The following TAFA2 variants were observed in gnomAD, a reference collection of about 807,000 sequenced individuals.
The protein encoded by TAFA2 is chemokine-like protein TAFA-2.
Under a neutral mutation model 18.8 loss-of-function variants are expected in TAFA2, and 7 were observed. The observed-to-expected ratio is 0.37, with a 90% CI of 0.21 to 0.70. TAFA2 has a LOEUF of 0.70. Among genes scored for constraint, TAFA2 ranks in the 30% least tolerant of loss-of-function variants. TAFA2 has a pLI of 0.53. For missense variants in TAFA2, 122 were observed against 158.1 expected, an observed-to-expected ratio of 0.77 and a Z score of 1.23; for synonymous variants, 60 against 54.2, an observed-to-expected ratio of 1.11 and a Z score of -0.47.
At chr12:62,007,473 G>A (rs1005509160) in intron 1 of TAFA2, among the ~76,000 whole-genome samples, 2 of 152,166 alleles carry the variant, frequency 1.3e-5, no homozygotes, top group Non-Finnish European at 2.9e-5. Context: ...GTGACTGGAA[G>A]AGAACCTAGT....
intron 1 of TAFA2, among the ~76,000 whole-genome samples, chr12:61,905,957 G>C (rs1592475649): frequency 1.3e-5 from 2 of 152,156 alleles, no homozygotes; most frequent in Admixed American, 1.3e-4. Context: ...CCTGAACTCA[G>C]TAATCATGTT....
At chr12:61,872,851 C>T (rs1874676843) in intron 1 of TAFA2, among the ~76,000 whole-genome samples, 1 of 136,116 alleles carries the variant, frequency 7.3e-6, no homozygotes, top group South Asian at 2.7e-4. Flanking sequence ...CAGAGAGACC[C>T]ACCCTGCAGT....
chr12:62,179,473 G>T (rs1030910947), intron 1 of TAFA2, among the ~76,000 whole-genome samples: 1 of 152,092 alleles, frequency 6.6e-6, no homozygotes, highest in Non-Finnish European at 1.5e-5. Context: ...TTTTCCAAGG[G>T]CTGATAGCTA....
At chr12:62,087,955 A>G (rs1034893623) in intron 1 of TAFA2, among the ~76,000 whole-genome samples, 6 of 152,136 alleles carry the variant, frequency 3.9e-5, no homozygotes. Flanking sequence ...GTAATCATAC[A>G]TTCCCTGTTT....
rs141136982 is a variant in TAFA2 at position 61,923,792 on chromosome 12, G to A, written c.-1-56366C>T. 4.3e-3 allele frequency among the ~76,000 whole-genome samples: 656 copies of A among 151,894 alleles called. 6 individuals are homozygous for A. Among genetic ancestry groups the A allele is most frequent in the African/African-American group, 0.015 (620 of 41,422 alleles). On this transcript the variant is annotated intron_variant, in intron 1 of 4. Transcript: ENST00000416284. Reference sequence around the variant, plus strand: ...AAGGTGGGTAATAACAAACTCCTCCGAGCTAAAGGAGCATGTTCTAACCCA... The same window carrying A: ...AAGGTGGGTAATAACAAACTCCTCCAAGCTAAAGGAGCATGTTCTAACCCA...
intron 2 of TAFA2, among the ~76,000 whole-genome samples, chr12:61,806,559 G>T (rs569746826): frequency 1.6e-4 from 24 of 152,344 alleles, no homozygotes; most frequent in African/African-American, 5.8e-4. Context: ...AAATGTGGAA[G>T]TGACTTTGGA....
chr12:62,197,793 T>C (rs1161001921), intron 1 of TAFA2, among the ~76,000 whole-genome samples: 1 of 152,368 alleles, frequency 6.6e-6, no homozygotes, highest in East Asian at 1.9e-4. Context: ...CATTCTTTTT[T>C]ACTTCCAAGT....
chr12:61,727,615 G>T, intron 4 of TAFA2, among the ~76,000 whole-genome samples: 1 of 151,540 alleles, frequency 6.6e-6, no homozygotes, highest in African/African-American at 2.4e-5. Flanking sequence ...CTTTTCTTTT[G>T]TTGGTTAATC....
intron 2 of TAFA2, among the ~76,000 whole-genome samples, chr12:61,778,694 G>A (rs1870378501): frequency 1.3e-5 from 2 of 151,870 alleles, no homozygotes; most frequent in Non-Finnish European, 2.9e-5. Context: ...AAGTTATGTC[G>A]ACCTGGGTTT....
At chr12:62,131,015 G>A (rs1051350191) in intron 1 of TAFA2, among the ~76,000 whole-genome samples, 5 of 151,884 alleles carry the variant, frequency 3.3e-5, no homozygotes, top group South Asian at 2.1e-4. Flanking sequence ...GATGCAGAAC[G>A]GAAAAAGCCA....
intron 1 of TAFA2, among the ~76,000 whole-genome samples, chr12:61,925,042 C>T (rs1254114274): frequency 1.3e-5 from 2 of 152,178 alleles, no homozygotes; most frequent in Non-Finnish European, 2.9e-5. Context: ...CGTAACTATA[C>T]TAAATATATA....
chr12:62,175,479 T>C (rs1217063609), intron 1 of TAFA2, among the ~76,000 whole-genome samples: 3 of 152,222 alleles, frequency 2.0e-5, no homozygotes, highest in African/African-American at 7.2e-5. Context: ...TGCCTAGTCA[T>C]TGCTCTGATT....
At chr12:62,153,102 T>C (rs1366014714) in intron 1 of TAFA2, among the ~76,000 whole-genome samples, 6 of 152,142 alleles carry the variant, frequency 3.9e-5, no homozygotes, top group Non-Finnish European at 5.9e-5. Flanking sequence ...AAATTGGAAA[T>C]TTGCAAGTTG....
intron 1 of TAFA2, among the ~76,000 whole-genome samples, chr12:62,240,252 C>T (rs2062856535): frequency 6.6e-6 from 1 of 151,830 alleles, no homozygotes; most frequent in Non-Finnish European, 1.5e-5. Flanking sequence ...AACCCTGTCT[C>T]TATTAAAAAT....
At chr12:61,722,586 C>T (rs34677376) in intron 4 of TAFA2, among the ~76,000 whole-genome samples, 15,829 of 151,706 alleles carry the variant, frequency 0.1, 1,079 homozygotes, top group East Asian at 0.23. Flanking sequence ...AAAAGCGAGT[C>T]GCATATGGAG....
At chr12:61,905,956 AG>A (rs1420000697) in intron 1 of TAFA2, among the ~76,000 whole-genome samples, 1 of 152,228 alleles carries the variant, frequency 6.6e-6, no homozygotes, top group Non-Finnish European at 1.5e-5. Context: ...GCCTGAACTC[AG>A]TAATCATGTT....
chr12:61,898,849 T>C (rs1875971846), intron 1 of TAFA2, among the ~76,000 whole-genome samples: 1 of 152,220 alleles, frequency 6.6e-6, no homozygotes, highest in Admixed American at 6.5e-5. Flanking sequence ...GGGTTTTTCT[T>C]TTCTATTACA....
intron 1 of TAFA2, among the ~76,000 whole-genome samples, chr12:62,046,458 C>T (rs568458187): frequency 1.4e-4 from 21 of 151,482 alleles, no homozygotes; most frequent in Non-Finnish European, 2.1e-4. Context: ...AAAAAAAAAA[C>T]GATGTTAACA....
chr12:61,787,726 C>A (rs1190049685), intron 2 of TAFA2, among the ~76,000 whole-genome samples: 1 of 151,156 alleles, frequency 6.6e-6, no homozygotes, highest in South Asian at 2.1e-4. Context: ...AAGGAAAGAC[C>A]CAAAGCTTAC....
Sources: gnomAD v4.1 joint callset for allele counts (sites outside exome capture counted in the v4.1 genomes callset) on GRCh38, gnomAD v4.1.1 for gene constraint, MANE v1.5 for transcripts, NCBI Gene and HGNC (gene_info 2026-07-23, HGNC 2026-07-21) for gene names.